Variants in TMEM25 observed in about 807,000 individuals in gnomAD.
TMEM25 encodes 0610039J01Rik.
Under a neutral mutation model 37.0 loss-of-function variants are expected in TMEM25, and 36 were observed. That is an observed-to-expected ratio of 0.97 (90% CI 0.75 to 1.28). TMEM25 has a LOEUF of 1.28. Ranked by LOEUF, TMEM25 falls within the 50% of genes most tolerant of loss-of-function variation. TMEM25 has a pLI of 0.00. For missense variants in TMEM25, 444 were observed against 477.9 expected (o/e 0.93, Z 0.66); for synonymous variants, 197 against 203.7 (o/e 0.97, Z 0.28).
chr11:118,542,400 A>G (rs1951589670), intron 8 of TMEM25, among the ~76,000 whole-genome samples: 1 of 152,220 alleles, frequency 6.6e-6, no homozygotes, highest in Admixed American at 6.5e-5. Flanking sequence ...CCACTTCTTG[A>G]TATGGCCGCA....
At chr11:118,536,097 C>T (rs1047635109), downstream of TMEM25, among the ~76,000 whole-genome samples, 34 of 151,980 alleles carry the variant, frequency 2.2e-4, no homozygotes, top group African/African-American at 6.5e-4. Context: ...AGACTGGTCT[C>T]GAACTCCTGA....
intron 1 of TMEM25, 31 bp downstream of exon 1, chr11:118,531,265 C>G (rs1555057922): frequency 2.7e-6 from 1 of 369,508 alleles, no homozygotes; most frequent in Non-Finnish European, 5.0e-6. Context: ...GGGGCGGGGG[C>G]GGGATGCTCG....
At chr11:118,532,808 C>G in intron 3 of TMEM25, 109 bp from the exon 4 acceptor site, 1 of 1,429,260 alleles carries the variant, frequency 7.0e-7, no homozygotes, top group Non-Finnish European at 9.4e-7. Flanking sequence ...TCCTCAGCAT[C>G]CCCTCTGAGG....
Position 118,535,189 on chromosome 11 carries a change from C to A in TMEM25, c.*609C>A. On this transcript the variant is annotated 3_prime_UTR_variant, in exon 9 of 9. Coordinates refer to ENST00000313236, the MANE Select transcript of TMEM25 (RefSeq NM_032780.4). ...GCCCTTCACTTCTTCTCTTCTGTCC[C>A]CACCTCCTCTTGGGAATTCTAGGTT... 9.3e-7 allele frequency: 1 copy of A among 1,074,946 alleles called. No individual in the cohort carries two copies. The highest frequency in any genetic ancestry group is 1.1e-6 in the Non-Finnish European group (1 of 887,888). 66.6% of individuals were successfully genotyped at this position (1,074,946 alleles called of 1,614,324 possible). A position where few individuals can be genotyped will look rare whatever the true frequency, so the allele number is the denominator to read the frequency against.
At chr11:118,546,257 G>C in exon 9 of TMEM25, 1 of 690,968 alleles carries the variant, frequency 1.4e-6, no homozygotes, top group South Asian at 1.6e-5. Context: ...CAGCACTGTG[G>C]GAGGTTGAGG....
intron 4 of TMEM25, 37 bp from the exon 5 acceptor site, chr11:118,533,383 T>A: frequency 1.9e-6 from 3 of 1,611,552 alleles, no homozygotes; most frequent in Non-Finnish European, 2.5e-6. Context: ...GCTGGGGCAC[T>A]ACCCACTTGG....
intron 8 of TMEM25, among the ~76,000 whole-genome samples, chr11:118,544,080 T>G (rs1951620547): frequency 6.6e-6 from 1 of 152,206 alleles, no homozygotes; most frequent in South Asian, 2.1e-4. Flanking sequence ...AGTTCTGGGA[T>G]TACAGGCGTG....
At chr11:118,546,262 T>C (rs1038031876) in exon 9 of TMEM25, 3 of 685,184 alleles carry the variant, frequency 4.4e-6, no homozygotes. Context: ...CTGTGGGAGG[T>C]TGAGGTGGGC....
At chr11:118,533,337 G>A in intron 4 of TMEM25, 83 bp from the exon 5 acceptor site, 1 of 1,590,174 alleles carries the variant, frequency 6.3e-7, no homozygotes, top group African/African-American at 1.3e-5. Flanking sequence ...GCCACCCTGG[G>A]CAAGGAGGGC....
downstream of TMEM25, among the ~76,000 whole-genome samples, chr11:118,538,981 T>A (rs1951544518): frequency 6.6e-6 from 1 of 152,160 alleles, no homozygotes; most frequent in Non-Finnish European, 1.5e-5. Flanking sequence ...GTTGTTTGAA[T>A]TCCTTGCATA....
At chr11:118,539,379 G>C (rs1189988860), downstream of TMEM25, among the ~76,000 whole-genome samples, 1 of 151,902 alleles carries the variant, frequency 6.6e-6, no homozygotes, top group Non-Finnish European at 1.5e-5. Flanking sequence ...TGTTGGCCAG[G>C]GTGGTCTCGA....
intron 8 of TMEM25, chr11:118,544,470 C>G (rs1235230075): frequency 6.4e-6 from 1 of 155,270 alleles, no homozygotes; most frequent in Non-Finnish European, 1.4e-5. Flanking sequence ...GTTCCTGTGT[C>G]TCTGCGTTAT....
downstream of TMEM25, chr11:118,546,910 T>TA (rs1951700353): frequency 6.6e-6 from 1 of 151,256 alleles, no homozygotes; most frequent in South Asian, 2.1e-4. Flanking sequence ...GTGAAGTTTT[T>TA]AAACTACTGG....
chr11:118,536,388 T>C (rs1449345968), downstream of TMEM25, among the ~76,000 whole-genome samples: 1 of 151,820 alleles, frequency 6.6e-6, no homozygotes, highest in African/African-American at 2.4e-5. Context: ...AGATGGGGTT[T>C]CTCCATGTTG....
exon 9 of TMEM25, chr11:118,546,282 G>A (rs563628772): frequency 2.3e-5 from 15 of 648,916 alleles, no homozygotes; most frequent in Admixed American, 8.0e-5. Context: ...CAGATCGCCT[G>A]AGCCTAGGAG....
chr11:118,545,927 G>T, intron 8 of TMEM25: 1 of 1,294,042 alleles, frequency 7.7e-7, no homozygotes, highest in Non-Finnish European at 1.1e-6. Context: ...TCTCTCTGAA[G>T]CAAAAGAGCT....
chr11:118,542,495 G>A (rs1294419747), intron 8 of TMEM25, among the ~76,000 whole-genome samples: 6 of 152,148 alleles, frequency 3.9e-5, no homozygotes, highest in African/African-American at 1.2e-4. Context: ...AGGGCCAGGC[G>A]CAGTGGCTCA....
chr11:118,546,389 G>A, exon 9 of TMEM25: 1 of 489,352 alleles, frequency 2.0e-6, no homozygotes, highest in South Asian at 2.3e-5. Flanking sequence ...TACTTGGGAG[G>A]CTGGGGTGGG....
chr11:118,543,337 C>T (rs1951606015), intron 8 of TMEM25, among the ~76,000 whole-genome samples: 2 of 152,004 alleles, frequency 1.3e-5, no homozygotes, highest in Admixed American at 6.6e-5. Flanking sequence ...CTGATGGTAT[C>T]GATTTTGTTT....
Sources: gnomAD v4.1 joint callset for allele counts (sites outside exome capture counted in the v4.1 genomes callset) on GRCh38, gnomAD v4.1.1 for gene constraint, MANE v1.5 for transcripts, NCBI Gene and HGNC (gene_info 2026-07-23, HGNC 2026-07-21) for gene names.